Variants in SNX30 observed in about 807,000 individuals in gnomAD.
SNX30 encodes sorting nexin family member 30.
In SNX30, 24 loss-of-function variants were observed where a neutral mutation model predicts 46.4. The ratio of observed to expected loss-of-function variants is 0.52; its 90% CI spans 0.37 to 0.73. The LOEUF is 0.73. Among genes scored for constraint, SNX30 ranks in the 30% least tolerant of loss-of-function variants. SNX30 has a pLI of 0.00. For synonymous variants in SNX30, 189 were observed against 211.5 expected (o/e 0.89, Z 0.92); for missense variants, 533 against 555.7 (o/e 0.96, Z 0.41).
chr9:112,787,327 G>A (rs373293753), intron 1 of SNX30, among the ~76,000 whole-genome samples: 1 of 152,146 alleles, frequency 6.6e-6, no homozygotes, highest in Admixed American at 6.5e-5. Context: ...ACTGTGGAAG[G>A]AAGTATGACC....
intron 1 of SNX30, among the ~76,000 whole-genome samples, chr9:112,768,649 T>TCTTCTTC (rs57756894): frequency 0.024 from 2,276 of 93,860 alleles, 253 homozygotes; most frequent in African/African-American, 0.078. Context: ...TCTTTCTTCT[T>TCTTCTTC]TTTTTTTTTT....
At position 112,837,562 on chromosome 9, in the gene SNX30, G is replaced by A. The variant is rs563961773; in HGVS notation, c.815-936G>A. Among the ~76,000 whole-genome samples, 17 of 151,974 alleles carry A rather than the reference G, an allele frequency of 1.1e-4. No homozygotes were observed. The East Asian group carries it at 2.3e-3, about 21-fold the overall frequency. On this transcript the variant is annotated intron_variant, in intron 5 of 8. Coordinates refer to ENST00000374232, the MANE Select transcript of SNX30 (RefSeq NM_001012994.2). The stretch of plus-strand genomic sequence containing the variant: ...ACCATCTCGGCTCACTGCAAGCGCC[G>A]CCTCCCGGGTTCACGCCATTCTCCT...
At position 112,808,262 on chromosome 9, in the gene SNX30, G is replaced by C. The variant is rs148359299; in HGVS notation, c.348+3295G>C. Among the ~76,000 whole-genome samples, 9 of 152,364 alleles carry C rather than the reference G, an allele frequency of 5.9e-5. No homozygotes were observed. In the East Asian group the frequency reaches 1.7e-3, roughly 29 times the overall value. On this transcript the variant is annotated intron_variant, in intron 2 of 8. Coordinates refer to ENST00000374232, the MANE Select transcript of SNX30 (RefSeq NM_001012994.2). ...GAGGACAAGGTTGTTCAAATGCTTT[G>C]CTTTATTACCTTAAGGCTTTGATGC... is the stretch of plus-strand genomic sequence containing the variant.
At chr9:112,780,786 C>T (rs1017762815) in intron 1 of SNX30, among the ~76,000 whole-genome samples, 3 of 152,108 alleles carry the variant, frequency 2.0e-5, no homozygotes, top group Admixed American at 2.0e-4. Context: ...ATAAATATTA[C>T]CATCTGTCAT....
At chr9:112,781,004 T>C (rs1017624971) in intron 1 of SNX30, among the ~76,000 whole-genome samples, 8 of 152,222 alleles carry the variant, frequency 5.3e-5, no homozygotes, top group Non-Finnish European at 1.0e-4. Flanking sequence ...CATAGTATTG[T>C]CATCCAGCCT....
At chr9:112,818,704 C>T (rs138996433) in intron 3 of SNX30, among the ~76,000 whole-genome samples, 2 of 152,180 alleles carry the variant, frequency 1.3e-5, no homozygotes, top group African/African-American at 4.8e-5. Context: ...TGATAACTTC[C>T]TAGGACTACC....
intron 1 of SNX30, among the ~76,000 whole-genome samples, chr9:112,763,520 CCCAG>C (rs1027104324): frequency 1.3e-5 from 2 of 151,328 alleles, no homozygotes; most frequent in African/African-American, 4.9e-5. Context: ...CTATACCTGG[CCCAG>C]TTATTATGTT....
At chr9:112,866,993 C>G (rs796529361) in intron 8 of SNX30, among the ~76,000 whole-genome samples, 706 of 5,604 alleles carry the variant, frequency 0.13, 3 homozygotes, top group Middle Eastern at 0.17. Flanking sequence ...AATTCCTTCT[C>G]CCTCCTCAGA....
chr9:112,789,462 A>T (rs1448302568), intron 1 of SNX30, among the ~76,000 whole-genome samples: 1 of 152,186 alleles, frequency 6.6e-6, no homozygotes, highest in Non-Finnish European at 1.5e-5. Context: ...TAGAGGTCTC[A>T]TGTCCATATT....
At chr9:112,880,365 C>A (rs1383514961) in exon 5 of SNX30, 2 of 145,230 alleles carry the variant, frequency 1.4e-5, no homozygotes, top group African/African-American at 2.5e-5. Flanking sequence ...TGATACTGGA[C>A]CTTTTTACTT....
At position 112,822,535 on chromosome 9, in the gene SNX30, TG is replaced by T. The variant is rs1376858679; in HGVS notation, c.459+4721del. The stretch of plus-strand genomic sequence containing the variant: ...GTTTTCTTTTGTCCCTTTGCTGTTT[TG>T]TTTTGTTTTTTTTTTTTGTAAGAAC... On this transcript the variant is annotated intron_variant, in intron 3 of 8. Transcript: ENST00000374232. 3.0e-4 allele frequency among the ~76,000 whole-genome samples: 20 copies of T among 66,886 alleles called. 1 individual carries two copies. The highest frequency in any genetic ancestry group is 5.8e-4 in the South Asian group (1 of 1,728). 43.9% of individuals were successfully genotyped at this position (66,886 alleles called of 152,430 possible). A position where few individuals can be genotyped will look rare whatever the true frequency, so the allele number is the denominator to read the frequency against.
chr9:112,840,109 G>A (rs1331586849), intron 6 of SNX30, among the ~76,000 whole-genome samples: 2 of 152,186 alleles, frequency 1.3e-5, no homozygotes, highest in African/African-American at 2.4e-5. Flanking sequence ...CCCTTTTCAT[G>A]TGTGCGTTAT....
At chr9:112,809,362 G>C (rs1173007999) in intron 2 of SNX30, among the ~76,000 whole-genome samples, 2 of 152,022 alleles carry the variant, frequency 1.3e-5, no homozygotes, top group African/African-American at 2.4e-5. Flanking sequence ...TTACAGGCGT[G>C]AGCCACTGCG....
chr9:112,778,899 G>A (rs554644911), intron 1 of SNX30, among the ~76,000 whole-genome samples: 8 of 151,974 alleles, frequency 5.3e-5, no homozygotes, highest in South Asian at 2.1e-4. Flanking sequence ...CTTGGGGGGG[G>A]GGGATTTGCA....
At chr9:112,846,873 T>C (rs1840946459) in intron 6 of SNX30, among the ~76,000 whole-genome samples, 1 of 152,206 alleles carries the variant, frequency 6.6e-6, no homozygotes, top group Non-Finnish European at 1.5e-5. Flanking sequence ...TTTTCTGCCT[T>C]TTCCCCTCCC....
intron 1 of SNX30, among the ~76,000 whole-genome samples, chr9:112,766,539 C>T (rs991799259): frequency 6.6e-6 from 1 of 152,212 alleles, no homozygotes; most frequent in Admixed American, 6.5e-5. Context: ...AGTATATTCA[C>T]ATTGTTGTGC....
intron 4 of SNX30, among the ~76,000 whole-genome samples, chr9:112,833,230 T>C (rs1463433965): frequency 6.6e-6 from 1 of 152,210 alleles, no homozygotes; most frequent in Admixed American, 6.5e-5. Flanking sequence ...CATTTTTTCC[T>C]TTAACATACC....
chr9:112,774,415 A>G (rs930610442), intron 1 of SNX30, among the ~76,000 whole-genome samples: 1 of 152,236 alleles, frequency 6.6e-6, no homozygotes, highest in Admixed American at 6.5e-5. Flanking sequence ...AAGGATTGCA[A>G]GGAGGACTGT....
At chr9:112,854,869 T>C (rs897543709) in intron 7 of SNX30, among the ~76,000 whole-genome samples, 3 of 152,228 alleles carry the variant, frequency 2.0e-5, no homozygotes, top group Non-Finnish European at 2.9e-5. Context: ...CACATGAGTG[T>C]TGTGATGCCA....
Sources: gnomAD v4.1 joint callset for allele counts (sites outside exome capture counted in the v4.1 genomes callset) on GRCh38, gnomAD v4.1.1 for gene constraint, MANE v1.5 for transcripts, NCBI Gene and HGNC (gene_info 2026-07-23, HGNC 2026-07-21) for gene names.